The following MTCL3 variants were observed in gnomAD, a reference collection of about 807,000 sequenced individuals.
The protein encoded by MTCL3 is MTCL family member 3.
the MTCL3 span, among the ~76,000 whole-genome samples, chr6:127,497,445 T>C: frequency 0.013 from 1,969 of 152,346 alleles, 57 homozygotes; most frequent in African/African-American, 0.045. Context: ...AGCACCCATG[T>C]TGAGGTTTAT....
chr6:127,489,579 CACAAATAATAAGA>C, the MTCL3 span, among the ~76,000 whole-genome samples: 8 of 152,218 alleles, frequency 5.3e-5, no homozygotes, highest in African/African-American at 1.9e-4. Flanking sequence ...CTAGTGAACA[CACAAATAATAAGA>C]AAGCAAAACA....
chr6:127,485,862 C>A, the MTCL3 span, among the ~76,000 whole-genome samples: 8 of 152,100 alleles, frequency 5.3e-5, no homozygotes, highest in African/African-American at 1.4e-4. Flanking sequence ...AATTCCAGAT[C>A]TGGGGAATCA....
chr6:127,473,231 C>A, the MTCL3 span: 1 of 1,439,566 alleles, frequency 6.9e-7, no homozygotes, highest in East Asian at 2.8e-5. Flanking sequence ...GAAGGGTGAA[C>A]AAAATAAACA....
the MTCL3 span, among the ~76,000 whole-genome samples, chr6:127,498,614 C>A: frequency 6.6e-6 from 1 of 151,902 alleles, no homozygotes; most frequent in African/African-American, 2.4e-5. Context: ...TATATCCACA[C>A]GAAAATTTGC....
chr6:127,491,227 T>G, the MTCL3 span, among the ~76,000 whole-genome samples: 4 of 152,228 alleles, frequency 2.6e-5, no homozygotes, highest in African/African-American at 9.6e-5. Context: ...TTTTAAGAGA[T>G]TCTACTGTGG....
the MTCL3 span, among the ~76,000 whole-genome samples, chr6:127,474,863 T>G: frequency 6.6e-6 from 1 of 152,154 alleles, no homozygotes; most frequent in Non-Finnish European, 1.5e-5. Context: ...TTTTAAATCC[T>G]AAACTCAATA....
chr6:127,516,216 G>T, the MTCL3 span: 1 of 1,434,914 alleles, frequency 7.0e-7, no homozygotes, highest in South Asian at 1.5e-5. Context: ...CGCCCAAAGC[G>T]GCCAGGGTCG....
the MTCL3 span, among the ~76,000 whole-genome samples, chr6:127,511,612 C>T: frequency 1.3e-5 from 2 of 152,164 alleles, no homozygotes; most frequent in Non-Finnish European, 2.9e-5. Flanking sequence ...CACCCAGTTA[C>T]TGGTGAAAAT....
the MTCL3 span, among the ~76,000 whole-genome samples, chr6:127,499,530 T>C: frequency 6.6e-6 from 1 of 152,170 alleles, no homozygotes; most frequent in Non-Finnish European, 1.5e-5. Flanking sequence ...GATTATCAAA[T>C]CTATAATACA....
the MTCL3 span, among the ~76,000 whole-genome samples, chr6:127,511,587 C>T: frequency 3.0e-3 from 454 of 152,288 alleles, 2 homozygotes; most frequent in African/African-American, 0.01. Context: ...GTACAAGTTA[C>T]AGGCCTTTTA....
chr6:127,480,885 G>GT, the MTCL3 span, among the ~76,000 whole-genome samples: 1 of 152,154 alleles, frequency 6.6e-6, no homozygotes, highest in African/African-American at 2.4e-5. Context: ...CCTGAGGTGG[G>GT]TTTTTTAAAA....
the MTCL3 span, among the ~76,000 whole-genome samples, chr6:127,506,144 T>C: frequency 6.6e-6 from 1 of 152,214 alleles, no homozygotes; most frequent in Non-Finnish European, 1.5e-5. Flanking sequence ...GTGTACTTTC[T>C]AACAATCACA....
At chr6:127,477,661 G>T in the MTCL3 span, among the ~76,000 whole-genome samples, 1 of 152,180 alleles carries the variant, frequency 6.6e-6, no homozygotes, top group African/African-American at 2.4e-5. Context: ...AGATGGAAGA[G>T]ATGGAGAACA....
At chr6:127,484,738 T>G in the MTCL3 span, among the ~76,000 whole-genome samples, 1 of 152,282 alleles carries the variant, frequency 6.6e-6, no homozygotes, top group East Asian at 1.9e-4. Context: ...CACAGTGTTA[T>G]GAAAGCAATG....
the MTCL3 span, chr6:127,483,081 C>A: frequency 4.2e-6 from 4 of 943,924 alleles, no homozygotes; most frequent in South Asian, 2.0e-5. Context: ...AAAACCAAGA[C>A]AAATAAAAAG....
At chr6:127,476,360 C>T in the MTCL3 span, 4 of 1,614,176 alleles carry the variant, frequency 2.5e-6, no homozygotes, top group East Asian at 2.2e-5. The surrounding 1 kb of genome is among the most constrained non-coding windows in gnomAD (Gnocchi z 4.4). Context: ...TTCTGGAGCT[C>T]GTGTTCAAAT....
chr6:127,508,753 C>T, the MTCL3 span, among the ~76,000 whole-genome samples: 1 of 152,204 alleles, frequency 6.6e-6, no homozygotes, highest in Non-Finnish European at 1.5e-5. Flanking sequence ...ATCAACACTT[C>T]AACAAGCACC....
chr6:127,473,769 C>T, the MTCL3 span, among the ~76,000 whole-genome samples: 36 of 152,186 alleles, frequency 2.4e-4, 1 homozygote, highest in African/African-American at 3.6e-4. Flanking sequence ...AAATGTCTTC[C>T]GTGTCTTAAA....
chr6:127,501,030 T>G, the MTCL3 span, among the ~76,000 whole-genome samples: 1 of 152,206 alleles, frequency 6.6e-6, no homozygotes, highest in Non-Finnish European at 1.5e-5. Context: ...GCCAGGATGG[T>G]CTTGATCTCC....
Sources: allele counts gnomAD v4.1 joint callset (sites outside exome capture counted in the v4.1 genomes callset), GRCh38; gene constraint gnomAD v4.1.1; non-coding constraint Gnocchi (gnomAD v3.1); transcripts MANE v1.5; gene names NCBI Gene and HGNC (gene_info 2026-07-23, HGNC 2026-07-21).